PCBP3: variants seen among roughly 807,000 people sequenced by gnomAD.
The protein encoded by PCBP3 is poly(rC)-binding protein 3.
Under a neutral mutation model 52.7 loss-of-function variants are expected in PCBP3, and 25 were observed. That is an observed-to-expected ratio of 0.47 (90% confidence interval 0.35 to 0.66). PCBP3 has a LOEUF of 0.66. PCBP3 is among the 30% of genes least tolerant of loss of function. The probability of loss-of-function intolerance (pLI) is 0.01; values close to 1 mark genes in which losing one functional copy is unlikely to be tolerated. For synonymous variants in PCBP3, 162 were observed against 183.0 expected, an observed-to-expected ratio of 0.89 and a Z score of 0.93; for missense variants, 391 against 490.3, an observed-to-expected ratio of 0.80 and a Z score of 1.91.
At chr21:45,896,828 C>A (rs1303329945) in intron 6 of PCBP3, among the ~76,000 whole-genome samples, 1 of 148,566 alleles carries the variant, frequency 6.7e-6, no homozygotes, top group East Asian at 2.0e-4. Flanking sequence ...GCACATAGAA[C>A]CAGAGATGCA....
intron 2 of PCBP3, among the ~76,000 whole-genome samples, chr21:45,682,093 G>A (rs569735015): frequency 1.4e-3 from 216 of 152,240 alleles, no homozygotes; most frequent in Non-Finnish European, 1.5e-3. Flanking sequence ...ATTTCTGTGG[G>A]TTTGTCTGGA....
intron 4 of PCBP3, among the ~76,000 whole-genome samples, chr21:45,813,879 C>T (rs895343206): frequency 1.3e-5 from 2 of 152,226 alleles, no homozygotes; most frequent in African/African-American, 2.4e-5. Flanking sequence ...TCTGCATCTA[C>T]ATATGTGCAG....
intron 4 of PCBP3, among the ~76,000 whole-genome samples, chr21:45,815,090 GTGA>G (rs1190554591): frequency 4.8e-5 from 1 of 20,624 alleles, no homozygotes; most frequent in African/African-American, 2.2e-4. Context: ...TGAGTGGTGA[GTGA>G]TGAGTGAGTG....
chr21:45,692,499 C>T (rs182934146), intron 2 of PCBP3, among the ~76,000 whole-genome samples: 1 of 152,100 alleles, frequency 6.6e-6, no homozygotes, highest in East Asian at 1.9e-4. Flanking sequence ...ATATCCTAAA[C>T]AACTTTAGCC....
chr21:45,715,250 G>A (rs1475781436), intron 2 of PCBP3, among the ~76,000 whole-genome samples: 1 of 152,074 alleles, frequency 6.6e-6, no homozygotes, highest in Admixed American at 6.6e-5. Flanking sequence ...ATAGGGCTTC[G>A]GTGGTATCTG....
intron 4 of PCBP3, among the ~76,000 whole-genome samples, chr21:45,814,175 GT>G (rs1220652414): frequency 3.3e-5 from 5 of 152,334 alleles, no homozygotes; most frequent in Admixed American, 6.5e-5. Flanking sequence ...AAAAGGTGAA[GT>G]AAAAATACAG....
At chr21:45,867,453 T>A (rs2094786381) in intron 5 of PCBP3, among the ~76,000 whole-genome samples, 1 of 152,036 alleles carries the variant, frequency 6.6e-6, no homozygotes, top group Non-Finnish European at 1.5e-5. Context: ...CGCTACGGGG[T>A]CCCTGGCGCA....
chr21:45,643,740 G>GCCGCCTCAC lies in PCBP3; in HGVS notation c.-403_-402insCTCACCCGC, dbSNP rs1259744747. 6.7e-6 allele frequency: 1 copy of GCCGCCTCAC among 148,304 alleles called. No homozygotes were observed. Among genetic ancestry groups the GCCGCCTCAC allele is most frequent in the African/African-American group, 2.4e-5 (1 of 40,892 alleles). The allele number at this position is 148,304 out of a possible 1,614,324, so 9.2% of individuals were successfully genotyped here. On this transcript the variant is annotated 5_prime_UTR_variant, in exon 1 of 18. Coordinates refer to ENST00000681687, the MANE Select transcript of PCBP3 (RefSeq NM_001384156.1). ...CGCGACCGCCGCCTCAGCCGCCTCAGCCGCGGTCGCCGCCGCTTCGGCTGA... is the reference window on the plus strand; with the variant it reads ...CGCGACCGCCGCCTCAGCCGCCTCAGCCGCCTCACCCGCGGTCGCCGCCGCTTCGGCTGA...
chr21:45,820,909 G>A (rs762376858), intron 4 of PCBP3, among the ~76,000 whole-genome samples: 11 of 152,176 alleles, frequency 7.2e-5, no homozygotes, highest in African/African-American at 1.4e-4. Context: ...AGGACCCTGC[G>A]GGATACAGCC....
intron 2 of PCBP3, among the ~76,000 whole-genome samples, chr21:45,717,988 G>A (rs541945773): frequency 6.6e-5 from 10 of 152,236 alleles, no homozygotes; most frequent in South Asian, 2.1e-4. Flanking sequence ...AAGTTTTTTG[G>A]TTACTAAACC....
chr21:45,825,904 AT>A (rs2093294557), intron 4 of PCBP3, among the ~76,000 whole-genome samples: 2 of 152,218 alleles, frequency 1.3e-5, no homozygotes, highest in South Asian at 4.1e-4. Context: ...TATTTTAACT[AT>A]TAGTATTAAA....
chr21:45,863,400 A>G (rs1461044616), intron 5 of PCBP3, among the ~76,000 whole-genome samples: 1 of 151,980 alleles, frequency 6.6e-6, no homozygotes, highest in African/African-American at 2.4e-5. Flanking sequence ...GCCCCCACCC[A>G]CCCCTTCCTA....
intron 3 of PCBP3, among the ~76,000 whole-genome samples, chr21:45,742,653 T>C (rs1176296825): frequency 6.6e-6 from 1 of 152,220 alleles, no homozygotes; most frequent in Non-Finnish European, 1.5e-5. Context: ...AGATCTAAGT[T>C]ATTTTTTCTT....
chr21:45,810,914 TC>T (rs2092670327), intron 4 of PCBP3, among the ~76,000 whole-genome samples: 1 of 152,210 alleles, frequency 6.6e-6, no homozygotes, highest in Non-Finnish European at 1.5e-5. Context: ...TGGCCCCACT[TC>T]ATCTAAACTG....
Position 45,829,915 on chromosome 21 carries a change from A to G in PCBP3, c.-125-20046A>G, listed in dbSNP as rs897618936. The G allele has an allele frequency of 6.5e-6, 1 of 152,772 alleles. No homozygotes were observed. Among genetic ancestry groups the G allele is most frequent in the African/African-American group, 2.4e-5 (1 of 41,458 alleles). The allele number at this position is 152,772 out of a possible 1,614,324, so 9.5% of individuals were successfully genotyped here. A position where few individuals can be genotyped will look rare whatever the true frequency, so the allele number is the denominator to read the frequency against. On this transcript the variant is annotated intron_variant, in intron 4 of 17. Transcript: ENST00000681687. The surrounding 1 kb of genome is among the most constrained non-coding windows in gnomAD (Gnocchi z 5.2). Reference sequence around the variant, plus strand: ...CTCATCCTGGCAATCTCACCATGCCATGGCAACTGCCAGTAACCTCAGCTT... The same window carrying G: ...CTCATCCTGGCAATCTCACCATGCCGTGGCAACTGCCAGTAACCTCAGCTT...
intron 1 of PCBP3, among the ~76,000 whole-genome samples, chr21:45,649,711 G>A (rs2079554620): frequency 6.6e-6 from 1 of 151,518 alleles, no homozygotes; most frequent in Non-Finnish European, 1.5e-5. Flanking sequence ...AGAGAAAGTT[G>A]TATGGAGATT....
chr21:45,666,923 A>G (rs1357864615), intron 1 of PCBP3, among the ~76,000 whole-genome samples: 1 of 151,832 alleles, frequency 6.6e-6, no homozygotes, highest in East Asian at 1.9e-4. Flanking sequence ...TTAGGTGTGG[A>G]TGTCTTTGAG....
chr21:45,763,967 T>C lies in PCBP3; in HGVS notation c.-126+8515T>C, dbSNP rs1001602950. Among the ~76,000 whole-genome samples, 3 of 152,346 alleles carry C rather than the reference T, an allele frequency of 2.0e-5. No individual in the cohort carries two copies. In the East Asian group the frequency reaches 5.8e-4, roughly 29 times the overall value. On this transcript the variant is annotated intron_variant, in intron 4 of 17. Coordinates refer to ENST00000681687, the MANE Select transcript of PCBP3 (RefSeq NM_001384156.1). ...ATTAAATGAGCTTCTAATAATACGG[T>C]GTTTTGAATGTCATACATGGCTTTT...
At position 45,917,377 on chromosome 21, in the gene PCBP3, C is replaced by G; in HGVS notation, c.676-211C>G. The stretch of plus-strand genomic sequence containing the variant: ...CCACCCGCTGAACTGGCCAGCTCAG[C>G]TCTGCCCGCCCAGAGGAAGTGGGTG... On this transcript the variant is annotated intron_variant, in intron 12 of 17. Coordinates refer to ENST00000681687, the MANE Select transcript of PCBP3 (RefSeq NM_001384156.1). This position sits in a 1 kb window ranked among gnomAD's most constrained non-coding sequence, Gnocchi z 5.3. The G allele has an allele frequency of 2.0e-6, 1 of 487,820 alleles. No individual in the cohort carries two copies. The allele number at this position is 487,820 out of a possible 1,614,324, so 30.2% of individuals were successfully genotyped here. A position where few individuals can be genotyped will look rare whatever the true frequency, so the allele number is the denominator to read the frequency against.
Sources: allele counts gnomAD v4.1 joint callset (sites outside exome capture counted in the v4.1 genomes callset), GRCh38; gene constraint gnomAD v4.1.1; non-coding constraint Gnocchi (gnomAD v3.1); transcripts MANE v1.5; gene names NCBI Gene and HGNC (gene_info 2026-07-23, HGNC 2026-07-21).